Variants in MTNR1A observed in about 807,000 individuals in gnomAD.
MTNR1A encodes the protein melatonin receptor type 1A.
MTNR1A carries 7 observed loss-of-function variants against 5.5 expected under a neutral mutation model. That is an observed-to-expected ratio of 1.28 (90% confidence interval 0.73 to 2.40). MTNR1A has a LOEUF of 2.40. Ranked by LOEUF, MTNR1A falls within the 30% of genes most tolerant of loss-of-function variation. The pLI, the probability that MTNR1A is intolerant of heterozygous loss-of-function variation, is 0.00. For missense variants in MTNR1A, 441 were observed against 464.4 expected, an observed-to-expected ratio of 0.95 and a Z score of 0.46; for synonymous variants, 196 against 202.7, an observed-to-expected ratio of 0.97 and a Z score of 0.28.
In MTNR1A at chr4:186,543,198, G is replaced by A. The variant is rs993151211; in HGVS notation, c.185-8641C>T. ...AAGGAGGGGGGTTACTGTGCTTACC[G>A]TGTTTAGTCCTGATCATCAAGGGGA... On this transcript the variant is annotated intron_variant, in intron 1 of 1. Transcript: ENST00000307161. 6.6e-5 allele frequency among the ~76,000 whole-genome samples: 10 copies of A among 152,210 alleles called. 1 individual carries two copies. Among genetic ancestry groups the A allele is most frequent in the South Asian group, 4.1e-4 (2 of 4,830 alleles).
At chr4:186,537,156 T>C (rs1031777328) in intron 1 of MTNR1A, among the ~76,000 whole-genome samples, 1 of 152,230 alleles carries the variant, frequency 6.6e-6, no homozygotes, top group Non-Finnish European at 1.5e-5. Flanking sequence ...AATCCCATTT[T>C]ACAAATCTTG....
At chr4:186,539,213 T>A (rs1487811012) in intron 1 of MTNR1A, among the ~76,000 whole-genome samples, 8 of 115,814 alleles carry the variant, frequency 6.9e-5, no homozygotes, top group South Asian at 3.3e-4. Context: ...AAGACTCCAT[T>A]AAAAAAAAAA....
chr4:186,554,719 G>GT (rs1737333815), intron 1 of MTNR1A, among the ~76,000 whole-genome samples: 1 of 152,182 alleles, frequency 6.6e-6, no homozygotes, highest in African/African-American at 2.4e-5. Flanking sequence ...CTGTAGGCTC[G>GT]TAACTGCAGA....
chr4:186,535,019 G>C lies in MTNR1A; in HGVS notation c.185-462C>G, dbSNP rs144534125. ...CTTCTGTTCTTGCTGATCCCATAGAGAGGGAGTTAAGGGCAAGAGGGATCT... is the reference window on the plus strand; with the variant it reads ...CTTCTGTTCTTGCTGATCCCATAGACAGGGAGTTAAGGGCAAGAGGGATCT... On this transcript the variant is annotated intron_variant, in intron 1 of 1. Transcript: ENST00000307161. Among the ~76,000 whole-genome samples, 3 of 152,296 alleles carry C rather than the reference G, an allele frequency of 2.0e-5. No individual in the cohort carries two copies. The East Asian group carries it at 5.8e-4, about 29-fold the overall frequency.
intron 1 of MTNR1A, among the ~76,000 whole-genome samples, chr4:186,545,701 C>T (rs1579252820): frequency 6.6e-6 from 1 of 152,246 alleles, no homozygotes; most frequent in Admixed American, 6.5e-5. Flanking sequence ...GTACTGTTCA[C>T]GAAGACTAAA....
At position 186,534,493 on chromosome 4, in the gene MTNR1A, C is replaced by T. The variant is rs370363624; in HGVS notation, c.249G>A (p.Leu83=). The part of the protein sequence containing the change: ...DLVVAIYPYP[L]VLMSIFNNGW... ...CGTTGTTAAATATCGACATCAGCAC[C>T]AACGGGTACGGATAAATGGCCACCA... Residue 83 remains leucine (L), a synonymous_variant, in exon 2 of 2, where the codon TTG becomes TTA. Coordinates refer to ENST00000307161, the MANE Select transcript of MTNR1A (RefSeq NM_005958.4). 6.2e-6 allele frequency: 10 copies of T among 1,613,918 alleles called. No homozygotes were observed. In the East Asian group the frequency reaches 2.0e-4, roughly 32 times the overall value.
At chr4:186,550,164 C>T (rs7690862) in intron 1 of MTNR1A, among the ~76,000 whole-genome samples, 2,287 of 152,266 alleles carry the variant, frequency 0.015, 22 homozygotes, top group Middle Eastern at 0.041. Context: ...TCACATACAG[C>T]GCTCAGGTTC....
intron 1 of MTNR1A, among the ~76,000 whole-genome samples, chr4:186,538,898 C>A (rs546065296): frequency 6.6e-6 from 1 of 152,184 alleles, no homozygotes; most frequent in South Asian, 2.1e-4. Context: ...CTGGTAGTCA[C>A]GGCCTGCAGG....
chr4:186,542,632 A>G (rs1236383572), intron 1 of MTNR1A, among the ~76,000 whole-genome samples: 1 of 152,142 alleles, frequency 6.6e-6, no homozygotes. Context: ...TGTTCATCCC[A>G]TGGCCAGGAT....
chr4:186,549,574 A>G (rs149453159), intron 1 of MTNR1A, among the ~76,000 whole-genome samples: 428 of 152,338 alleles, frequency 2.8e-3, no homozygotes, highest in African/African-American at 1.0e-2. Flanking sequence ...TTTAAGCTCC[A>G]GCTACCATCT....
chr4:186,541,677 A>T (rs1014339234), intron 1 of MTNR1A, among the ~76,000 whole-genome samples: 1 of 152,102 alleles, frequency 6.6e-6, no homozygotes, highest in African/African-American at 2.4e-5. Flanking sequence ...AGGAGTGCAA[A>T]CCCTATCGTG....
At chr4:186,548,653 G>A (rs1030291551) in intron 1 of MTNR1A, among the ~76,000 whole-genome samples, 1 of 151,426 alleles carries the variant, frequency 6.6e-6, no homozygotes, top group Non-Finnish European at 1.5e-5. Context: ...AGCAAATTAG[G>A]TCACTTGCCC....
chr4:186,543,781 G>A (rs1737079107), intron 1 of MTNR1A, among the ~76,000 whole-genome samples: 2 of 152,176 alleles, frequency 1.3e-5, no homozygotes. Flanking sequence ...TTGTTAGATG[G>A]AAGCATAATT....
chr4:186,544,015 A>AT (rs1737083664), intron 1 of MTNR1A, among the ~76,000 whole-genome samples: 1 of 151,792 alleles, frequency 6.6e-6, no homozygotes, highest in Non-Finnish European at 1.5e-5. Context: ...TATTTTTTTC[A>AT]TTTTTTCTTC....
intron 1 of MTNR1A, among the ~76,000 whole-genome samples, chr4:186,543,963 G>A (rs75928120): frequency 0.02 from 3,114 of 152,208 alleles, 60 homozygotes; most frequent in African/African-American, 0.049. Flanking sequence ...ACCCACAAAA[G>A]AATTTTGTAT....
chr4:186,554,738 G>A (rs952378027), intron 1 of MTNR1A, among the ~76,000 whole-genome samples: 9 of 152,152 alleles, frequency 5.9e-5, no homozygotes, highest in African/African-American at 2.2e-4. Context: ...GACTACTCCC[G>A]AACAACAAGA....
intron 1 of MTNR1A, among the ~76,000 whole-genome samples, chr4:186,551,128 A>G (rs751794527): frequency 5.9e-5 from 9 of 152,210 alleles, no homozygotes; most frequent in Non-Finnish European, 1.3e-4. Context: ...AAGTCTGTAC[A>G]GTACAAGTTA....
chr4:186,541,734 A>T (rs1173216834), intron 1 of MTNR1A, among the ~76,000 whole-genome samples: 1 of 152,166 alleles, frequency 6.6e-6, no homozygotes, highest in East Asian at 1.9e-4. Context: ...TGAGAATCTA[A>T]CTAATGCCTG....
chr4:186,543,019 A>G (rs1737060802), intron 1 of MTNR1A, among the ~76,000 whole-genome samples: 1 of 152,150 alleles, frequency 6.6e-6, no homozygotes, highest in Non-Finnish European at 1.5e-5. Context: ...CTTGAGCCCA[A>G]GAGTTCAAGG....
Sources: gnomAD v4.1 joint callset for allele counts (sites outside exome capture counted in the v4.1 genomes callset) on GRCh38, gnomAD v4.1.1 for gene constraint, MANE v1.5 for transcripts, NCBI Gene and HGNC (gene_info 2026-07-23, HGNC 2026-07-21) for gene names.